Variants in GSN observed in about 807,000 individuals in gnomAD.
GSN encodes the protein gelsolin.
A neutral mutation model predicts 85.7 loss-of-function variants in GSN; 56 were observed. The observed-to-expected ratio is 0.65, with a 90% CI of 0.53 to 0.82. The LOEUF is 0.82. Ranked by LOEUF, GSN falls within the 40% of genes least tolerant of loss-of-function variation. The pLI is 0.00. For synonymous variants in GSN, 373 were observed against 399.1 expected, an observed-to-expected ratio of 0.93 and a Z score of 0.78; for missense variants, 857 against 979.8, an observed-to-expected ratio of 0.87 and a Z score of 1.67.
intron 2 of GSN, chr9:121,281,977 G>T (rs1371873416): frequency 2.1e-6 from 1 of 472,416 alleles, no homozygotes; most frequent in Non-Finnish European, 4.4e-6. Flanking sequence ...GGGTCCATTT[G>T]CCAAGTCTCT....
At chr9:121,280,601 C>A (rs1230549003) in intron 1 of GSN, among the ~76,000 whole-genome samples, 1 of 152,194 alleles carries the variant, frequency 6.6e-6, no homozygotes, top group Non-Finnish European at 1.5e-5. Flanking sequence ...GAGAAAGATA[C>A]AATTTGCAGG....
intron 2 of GSN, among the ~76,000 whole-genome samples, chr9:121,287,682 CTTTTTTTTTCT>C (rs1228273398): frequency 6.7e-6 from 1 of 150,044 alleles, no homozygotes; most frequent in Non-Finnish European, 1.5e-5. Flanking sequence ...AGCGTGTGGG[CTTTTTTTTTCT>C]TTTTTTTTTA....
chr9:121,273,589 C>T (rs903706276), intron 1 of GSN, among the ~76,000 whole-genome samples: 2 of 152,066 alleles, frequency 1.3e-5, no homozygotes, highest in African/African-American at 4.8e-5. Flanking sequence ...CACCTGGGTG[C>T]CCTTCCTTCC....
chr9:121,284,151 C>T (rs2057767973), intron 2 of GSN: 1 of 167,080 alleles, frequency 6.0e-6, no homozygotes, highest in Admixed American at 6.5e-5. Context: ...TATGCTAGAC[C>T]TCTGGGAACC....
At position 121,329,143 on chromosome 9, in the gene GSN, T is replaced by C; in HGVS notation, c.1888-95T>C. On this transcript the variant is annotated intron_variant, in intron 15 of 17. Transcript: ENST00000432226. This position sits in a 1 kb window ranked among gnomAD's most constrained non-coding sequence, Gnocchi z 4.6. ...ACAGAGGAAGGGGCCCCCTGCCAGC[T>C]GCAGCCAGCTGTGCCACTCCCTCAG... 1 of 1,479,130 alleles carries C rather than the reference T, an allele frequency of 6.8e-7. No homozygotes were observed. The highest frequency in any genetic ancestry group is 1.7e-5 in the Admixed American group (1 of 58,620). The allele number at this position is 1,479,130 out of a possible 1,614,324, so 91.6% of individuals were successfully genotyped here.
rs1490726666 is a variant in GSN, at chr9:121,299,887, C to T, written c.-9-2076C>T. The T allele has an allele frequency of 7.6e-7, 1 of 1,315,858 alleles. No homozygotes were observed. The highest frequency in any genetic ancestry group is 9.8e-7 in the Non-Finnish European group (1 of 1,023,642). 81.5% of individuals were successfully genotyped at this position (1,315,858 alleles called of 1,614,324 possible). On this transcript the variant is annotated intron_variant, in intron 2 of 17. Transcript: ENST00000432226. The surrounding 1 kb of genome is among the most constrained non-coding windows in gnomAD (Gnocchi z 4.2). ...ATGGCTCCGCACCGCCCCGCGCCCG[C>T]GCTGCTTTGCGCGCTGTCCCTGGCG...
intron 1 of GSN, among the ~76,000 whole-genome samples, chr9:121,278,559 T>C (rs1564399348): frequency 6.6e-6 from 1 of 152,226 alleles, no homozygotes. Flanking sequence ...CCCCAAAGAC[T>C]GGCCTTTCCA....
chr9:121,231,034 T>C (rs1471136749), intron 4 of GSN: 1 of 152,174 alleles, frequency 6.6e-6, no homozygotes, highest in Admixed American at 6.5e-5. Context: ...TTCCTAACGC[T>C]AAAACCAAAG....
chr9:121,317,614 G>T lies in GSN; in HGVS notation c.886+396G>T, dbSNP rs895515903. The T allele has an allele frequency of 1.7e-5, 5 of 291,504 alleles. No individual in the cohort carries two copies. In the Admixed American group the frequency reaches 1.9e-4, roughly 11 times the overall value. The allele number at this position is 291,504 out of a possible 1,614,324, so 18.1% of individuals were successfully genotyped here. On this transcript the variant is annotated intron_variant, in intron 8 of 17. Coordinates refer to ENST00000432226, the MANE Select transcript of GSN (RefSeq NM_198252.3). ...CTTTTAACTTGTTCATTTACAGGGG[G>T]GCTTTTCATGAAGATGATCTGGTTT...
chr9:121,240,235 G>C (rs111931437), intron 5 of GSN: 1 of 152,142 alleles, frequency 6.6e-6, no homozygotes, highest in Non-Finnish European at 1.5e-5. Context: ...GATTATTTCT[G>C]TAAAGACCCT....
chr9:121,263,093 C>A (rs550854005), upstream of GSN, among the ~76,000 whole-genome samples: 35 of 152,224 alleles, frequency 2.3e-4, no homozygotes, highest in African/African-American at 7.9e-4. Context: ...ATGGGGGAAG[C>A]CCAGGTTTTG....
chr9:121,274,932 A>G (rs1385243918), intron 1 of GSN, among the ~76,000 whole-genome samples: 2 of 152,226 alleles, frequency 1.3e-5, no homozygotes, highest in African/African-American at 4.8e-5. Flanking sequence ...GAAGGTTCAG[A>G]AGCCTGGCTA....
chr9:121,231,611 T>C (rs1392487822), intron 5 of GSN, among the ~76,000 whole-genome samples: 1 of 152,094 alleles, frequency 6.6e-6, no homozygotes, highest in African/African-American at 2.4e-5. Context: ...CCAATTCAAC[T>C]GAGAGCTGGG....
intron 4 of GSN, among the ~76,000 whole-genome samples, chr9:121,220,176 C>T (rs1024988903): frequency 1.3e-5 from 2 of 152,262 alleles, no homozygotes. Context: ...AGCCACTGCA[C>T]CCGGCCCACA....
At chr9:121,282,270 G>A (rs772640455) in intron 2 of GSN, 5 of 596,420 alleles carry the variant, frequency 8.4e-6, no homozygotes, top group African/African-American at 5.6e-5. Context: ...TGGACCCAAC[G>A]AGCTTGTAGA....
chr9:121,215,640 G>C (rs909683204), intron 4 of GSN, among the ~76,000 whole-genome samples: 3 of 151,626 alleles, frequency 2.0e-5, no homozygotes, highest in African/African-American at 7.3e-5. Context: ...GTTGCAGTGA[G>C]CCAAGATCGC....
chr9:121,255,847 G>A (rs187112547), intron 6 of GSN, among the ~76,000 whole-genome samples: 72 of 152,282 alleles, frequency 4.7e-4, no homozygotes, highest in Non-Finnish European at 9.3e-4. Context: ...TCCTGGGGGT[G>A]GAACTGCTGG....
chr9:121,313,932 A>T lies in GSN; in HGVS notation c.664-2A>T, dbSNP rs1326888553. On this transcript the variant is annotated splice_acceptor_variant, in intron 6 of 17. Transcript: ENST00000432226. LOFTEE classifies it high-confidence loss of function. ...TCCTCTCCATCTCTCTATCTCCTAC[A>T]GGTGCTGGGCCCCAAGCCGGCTCTG... 6.2e-7 allele frequency: 1 copy of T among 1,612,280 alleles called. No individual in the cohort carries two copies. Among genetic ancestry groups the T allele is most frequent in the South Asian group, 1.1e-5 (1 of 91,060 alleles).
chr9:121,259,995 C>T (rs2055047887), intron 6 of GSN, among the ~76,000 whole-genome samples: 1 of 152,184 alleles, frequency 6.6e-6, no homozygotes, highest in Admixed American at 6.5e-5. Flanking sequence ...GAAAGAGGGA[C>T]AGGTATACAA....
Sources: allele counts gnomAD v4.1 joint callset (sites outside exome capture counted in the v4.1 genomes callset), GRCh38; gene constraint gnomAD v4.1.1; non-coding constraint Gnocchi (gnomAD v3.1); transcripts MANE v1.5; gene names NCBI Gene and HGNC (gene_info 2026-07-23, HGNC 2026-07-21).